The following ELMOD1 variants were observed in gnomAD, a reference collection of about 807,000 sequenced individuals.
ELMOD1 encodes ELMO domain-containing protein 1.
ELMOD1 carries 21 observed loss-of-function variants against 46.7 expected under a neutral mutation model. The ratio of observed to expected loss-of-function variants is 0.45; its 90% CI spans 0.32 to 0.65. The LOEUF is 0.65. Ranked by LOEUF, ELMOD1 falls within the 30% of genes least tolerant of loss-of-function variation. ELMOD1 has a pLI of 0.04. For missense variants in ELMOD1, 348 were observed against 407.8 expected (o/e 0.85, Z 1.26); for synonymous variants, 122 against 138.2 (o/e 0.88, Z 0.82).
At chr11:107,603,739 T>C (rs1194961661) in intron 1 of ELMOD1, among the ~76,000 whole-genome samples, 1 of 151,302 alleles carries the variant, frequency 6.6e-6, no homozygotes, top group African/African-American at 2.4e-5. Context: ...TAGCTGAGCA[T>C]GGTGGCACAT....
intron 9 of ELMOD1, among the ~76,000 whole-genome samples, chr11:107,652,107 T>C (rs771304427): frequency 6.6e-6 from 1 of 152,232 alleles, no homozygotes; most frequent in Non-Finnish European, 1.5e-5. Context: ...TACTTCAAAC[T>C]GATGGTAAAT....
chr11:107,662,570 A>T (rs1866759500), intron 11 of ELMOD1, among the ~76,000 whole-genome samples: 1 of 149,556 alleles, frequency 6.7e-6, no homozygotes, highest in Non-Finnish European at 1.5e-5. Flanking sequence ...AGATCGTGCC[A>T]TTGCACTCCA....
intron 9 of ELMOD1, chr11:107,653,323 G>A: frequency 6.8e-6 from 1 of 146,946 alleles, no homozygotes; most frequent in East Asian, 2.0e-4. Flanking sequence ...GAATGACAGA[G>A]CGAGGCCAAG....
rs1048677820 is a variant in ELMOD1 at position 107,659,432 on chromosome 11, C to T, written c.832+3366C>T. ...GTGGGCATTCTCATAATGTAGGGCT[C>T]TGGAGTGCTGAAGGATTAGAAAGGC... On this transcript the variant is annotated intron_variant, in intron 11 of 11. Transcript: ENST00000265840. Among the ~76,000 whole-genome samples, 40 of 152,026 alleles carry T rather than the reference C, an allele frequency of 2.6e-4. 1 individual carries two copies. The highest frequency in any genetic ancestry group is 9.7e-4 in the African/African-American group (40 of 41,386).
chr11:107,623,969 C>T (rs1427586199), intron 2 of ELMOD1: 1 of 152,194 alleles, frequency 6.6e-6, no homozygotes, highest in Non-Finnish European at 1.5e-5. Context: ...CTCTTTCTTT[C>T]AGCTGCTCTA....
chr11:107,594,835 G>A (rs1209014538), intron 1 of ELMOD1, among the ~76,000 whole-genome samples: 3 of 152,164 alleles, frequency 2.0e-5, no homozygotes, highest in African/African-American at 7.2e-5. Context: ...AGATTCTGAT[G>A]ATGGAAAGAG....
intron 7 of ELMOD1, among the ~76,000 whole-genome samples, chr11:107,649,003 T>C (rs749322667): frequency 6.6e-6 from 1 of 152,226 alleles, no homozygotes; most frequent in African/African-American, 2.4e-5. Flanking sequence ...CTCAGTCATT[T>C]TGGTGGCATC....
chr11:107,648,317 C>A (rs1408893126), intron 7 of ELMOD1, among the ~76,000 whole-genome samples: 1 of 152,214 alleles, frequency 6.6e-6, no homozygotes, highest in Non-Finnish European at 1.5e-5. Context: ...GAACAGTTGT[C>A]CTGTAATATG....
chr11:107,592,548 A>G, intron 1 of ELMOD1: 1 of 404,148 alleles, frequency 2.5e-6, no homozygotes. Context: ...TTAACCTATT[A>G]TGACAACACG....
At chr11:107,643,677 C>A in intron 6 of ELMOD1, 1 of 527,046 alleles carries the variant, frequency 1.9e-6, no homozygotes, top group South Asian at 1.4e-5. Flanking sequence ...CTTAAATGTT[C>A]ATACTTCCAT....
chr11:107,624,169 A>G (rs1866001986), intron 2 of ELMOD1, among the ~76,000 whole-genome samples: 1 of 152,140 alleles, frequency 6.6e-6, no homozygotes, highest in Non-Finnish European at 1.5e-5. Flanking sequence ...GACTTTATTT[A>G]TATGTTTACT....
intron 2 of ELMOD1, among the ~76,000 whole-genome samples, chr11:107,624,084 C>T (rs1343452829): frequency 6.6e-6 from 1 of 152,002 alleles, no homozygotes; most frequent in African/African-American, 2.4e-5. Context: ...ATAATAATAA[C>T]AGGCCTATTT....
intron 2 of ELMOD1, chr11:107,623,860 TC>T (rs1865997474): frequency 6.6e-6 from 1 of 152,210 alleles, no homozygotes; most frequent in Non-Finnish European, 1.5e-5. Flanking sequence ...TACTGCACGG[TC>T]AGTCTTATTT....
chr11:107,595,848 T>C lies in ELMOD1; in HGVS notation c.-86+4439T>C, dbSNP rs976190333. 2.6e-5 allele frequency among the ~76,000 whole-genome samples: 4 copies of C among 152,122 alleles called. No homozygotes were observed. The East Asian group carries it at 5.8e-4, about 22-fold the overall frequency. ...TATAAAATAAACTCTTAAGTGTTTC[T>C]ATGGTTCCAAGGGATGAATAACTTT... On this transcript the variant is annotated intron_variant, in intron 1 of 11. Transcript: ENST00000265840.
At position 107,602,891 on chromosome 11, in the gene ELMOD1, A is replaced by G. The variant is rs1028838359; in HGVS notation, c.-86+11482A>G. Among the ~76,000 whole-genome samples, 125 of 151,950 alleles carry G rather than the reference A, an allele frequency of 8.2e-4. 3 individuals carry two copies. Among genetic ancestry groups the G allele is most frequent in the Non-Finnish European group, 2.4e-4 (16 of 68,008 alleles). On this transcript the variant is annotated intron_variant, in intron 1 of 11. Transcript: ENST00000265840. ...TGTTGACCATCTTTCACAGTAGTCCAGTTGGGGGCTAATGCTTCTTTGGGG... is the reference window on the plus strand; with the variant it reads ...TGTTGACCATCTTTCACAGTAGTCCGGTTGGGGGCTAATGCTTCTTTGGGG...
chr11:107,597,656 T>C (rs1865516136), intron 1 of ELMOD1, among the ~76,000 whole-genome samples: 1 of 152,128 alleles, frequency 6.6e-6, no homozygotes, highest in Non-Finnish European at 1.5e-5. Context: ...TAGTAGCATA[T>C]ATGTGATAGA....
At position 107,644,671 on chromosome 11, in the gene ELMOD1, TTA is replaced by T. The variant is rs1383219490; in HGVS notation, c.421-2796_421-2795del. Among the ~76,000 whole-genome samples the T allele has an allele frequency of 5.9e-5, 9 of 152,020 alleles. No individual in the cohort carries two copies. The East Asian group carries it at 9.9e-4, about 17-fold the overall frequency. On this transcript the variant is annotated intron_variant, in intron 6 of 11. Coordinates refer to ENST00000265840, the MANE Select transcript of ELMOD1 (RefSeq NM_018712.4). ...TTGTATTTTTAGTAGAGACGGGGTTTTACCGTGTTAGCCAGGATGGTCTCGAT... is the reference window on the plus strand; with the variant it reads ...TTGTATTTTTAGTAGAGACGGGGTTTCCGTGTTAGCCAGGATGGTCTCGAT...
At chr11:107,616,429 G>A (rs944300103) in intron 1 of ELMOD1, among the ~76,000 whole-genome samples, 2 of 152,130 alleles carry the variant, frequency 1.3e-5, no homozygotes, top group Admixed American at 1.3e-4. Flanking sequence ...ACCCAGGCTG[G>A]AGTGCAGTGG....
At chr11:107,597,621 G>A (rs766556711) in intron 1 of ELMOD1, among the ~76,000 whole-genome samples, 5 of 152,100 alleles carry the variant, frequency 3.3e-5, no homozygotes, top group Non-Finnish European at 5.9e-5. Context: ...ACTTATCCAC[G>A]AATCTGCCAA....
Sources: gnomAD v4.1 joint callset for allele counts (sites outside exome capture counted in the v4.1 genomes callset) on GRCh38, gnomAD v4.1.1 for gene constraint, MANE v1.5 for transcripts, NCBI Gene and HGNC (gene_info 2026-07-23, HGNC 2026-07-21) for gene names.